The following COX6B1 variants were observed in gnomAD, a reference collection of about 807,000 sequenced individuals.
COX6B1 encodes COX VIb-1.
In COX6B1, 2 loss-of-function variants were observed where a neutral mutation model predicts 14.0. The ratio of observed to expected loss-of-function variants is 0.14; its 90% CI spans 0.06 to 0.45. The LOEUF (loss-of-function observed/expected upper bound fraction) is 0.45. COX6B1 is among the 20% of genes least tolerant of loss of function. The pLI is 0.98. For synonymous variants in COX6B1, 30 were observed against 39.7 expected (o/e 0.76, Z 0.92); for missense variants, 81 against 114.2 (o/e 0.71, Z 1.33).
At position 35,654,797 on chromosome 19, in the gene COX6B1, A is replaced by G. The variant is rs1046916617; in HGVS notation, c.207+126A>G. 4 of 770,592 alleles carry G rather than the reference A, an allele frequency of 5.2e-6. No homozygotes were observed. In the African/African-American group the frequency reaches 7.0e-5, roughly 13 times the overall value. 47.7% of individuals were successfully genotyped at this position (770,592 alleles called of 1,614,324 possible). On this transcript the variant is annotated intron_variant, in intron 3 of 3. Coordinates refer to ENST00000649813, the MANE Select transcript of COX6B1 (RefSeq NM_001863.5). ...GGACAGGGCACCACACTGTCCCAGG[A>G]CTCAGTGCCTTTCCTCCCGCCTAGA...
At position 35,654,578 on chromosome 19, in the gene COX6B1, C is replaced by T. The variant is rs770296829; in HGVS notation, c.114C>T (p.His38=). 3 of 1,614,062 alleles carry T rather than the reference C, an allele frequency of 1.9e-6. No homozygotes were observed. Among genetic ancestry groups the T allele is most frequent in the Non-Finnish European group, 2.5e-6 (3 of 1,179,942 alleles). ...RNCWQNYLDF[H]RCQKAMTAKG... The stretch of plus-strand genomic sequence containing the variant: ...GAACCCCTTTCTTCACAGACTTCCA[C>T]CGCTGTCAGAAGGCAATGACCGCTA... The change falls in exon 3 of 4, where the codon CAC becomes CAT. Residue 38 remains histidine, a synonymous_variant. Transcript: ENST00000649813.
At chr19:35,651,529 A>G (rs1250464854) in intron 2 of COX6B1, among the ~76,000 whole-genome samples, 180 bp downstream of exon 2, 1 of 151,940 alleles carries the variant, frequency 6.6e-6, no homozygotes, top group African/African-American at 2.4e-5. Context: ...AGTTCCTGCA[A>G]TGATTTTTTT....
chr19:35,648,886 G>C (rs1967790528), intron 1 of COX6B1: 1 of 533,336 alleles, frequency 1.9e-6, no homozygotes, highest in Non-Finnish European at 3.8e-6. Context: ...CTCATCCTCA[G>C]ATACCGGGTA....
rs1451939305 is a variant in COX6B1, at chr19:35,654,619, C to T, written c.155C>T (p.Ser52Phe). The T allele has an allele frequency of 6.2e-6, 10 of 1,614,070 alleles. No homozygotes were observed. Among genetic ancestry groups the T allele is most frequent in the African/African-American group, 1.3e-5 (1 of 74,934 alleles). ...KAMTAKGGDI[S>F]VCEWYQRVYQ... ...ATGACCGCTAAAGGAGGCGATATCT[C>T]TGTGTGCGAATGGTACCAGCGTGTG... The change falls in exon 3 of 4, where the codon TCT (serine) becomes TTT (phenylalanine). Residue 52 changes from serine (S) to phenylalanine (F), a missense_variant. By Grantham distance (155) the Ser-to-Phe change is radical. Transcript: ENST00000649813.
At chr19:35,651,907 TAACATGTACAGAAAGCACATAACA>T (rs1161175680) in intron 2 of COX6B1, among the ~76,000 whole-genome samples, 2 of 152,038 alleles carry the variant, frequency 1.3e-5, no homozygotes. Context: ...GTGCGTACTG[TAACATGTACAGAAAGCACATAACA>T]AACATGTACA....
chr19:35,652,086 A>G (rs1375648198), intron 2 of COX6B1, among the ~76,000 whole-genome samples: 3 of 150,672 alleles, frequency 2.0e-5, no homozygotes, highest in Non-Finnish European at 4.4e-5. Context: ...CTGGAGTGCA[A>G]TGGTGCAATC....
At chr19:35,651,891 A>G (rs1474637377) in intron 2 of COX6B1, among the ~76,000 whole-genome samples, 1 of 151,334 alleles carries the variant, frequency 6.6e-6, no homozygotes, top group Non-Finnish European at 1.5e-5. Context: ...TTTAAGCTGT[A>G]TGTGTGTGCG....
intron 2 of COX6B1, among the ~76,000 whole-genome samples, chr19:35,654,047 T>A (rs947742684): frequency 6.6e-6 from 1 of 152,240 alleles, no homozygotes; most frequent in Admixed American, 6.5e-5. Flanking sequence ...TTATACATAC[T>A]GTGTGTATTC....
chr19:35,651,901 G>C (rs4805135), intron 2 of COX6B1, among the ~76,000 whole-genome samples: 2 of 151,498 alleles, frequency 1.3e-5, no homozygotes, highest in Non-Finnish European at 2.9e-5. Flanking sequence ...ATGTGTGTGC[G>C]TACTGTAACA....
At chr19:35,654,752 A>T in intron 3 of COX6B1, 81 bp downstream of exon 3, 1 of 1,252,148 alleles carries the variant, frequency 8.0e-7, no homozygotes, top group Non-Finnish European at 1.2e-6. Context: ...GTGGGAGCTC[A>T]TCTGTGAGGG....
chr19:35,651,439 T>C (rs1299702587), intron 2 of COX6B1, 90 bp downstream of exon 2: 1 of 936,984 alleles, frequency 1.1e-6, no homozygotes, highest in Non-Finnish European at 1.7e-6. Context: ...CTCCTCCCTT[T>C]TATTCTGAAC....
At chr19:35,654,862 G>A (rs1967869888) in intron 3 of COX6B1, among the ~76,000 whole-genome samples, 191 bp downstream of exon 3, 1 of 152,118 alleles carries the variant, frequency 6.6e-6, no homozygotes, top group African/African-American at 2.4e-5. Context: ...CTCTCAACCA[G>A]TCAGGGCTCT....
intron 2 of COX6B1, among the ~76,000 whole-genome samples, chr19:35,652,965 A>ATTTTT (rs1330598420): frequency 1.7e-4 from 21 of 121,736 alleles, no homozygotes; most frequent in East Asian, 4.9e-4. Flanking sequence ...CACCCAGCTA[A>ATTTTT]TTTTTTTTTT....
chr19:35,654,131 C>G (rs1319784639), intron 2 of COX6B1, among the ~76,000 whole-genome samples: 1 of 152,240 alleles, frequency 6.6e-6, no homozygotes, highest in African/African-American at 2.4e-5. Context: ...TGCTCATTTT[C>G]ATTGCTGTCC....
chr19:35,658,597 A>G lies in COX6B1; in HGVS notation c.211A>G (p.Thr71Ala). The change falls in exon 4 of 4, where the codon ACA becomes GCA. Residue 71 changes from threonine (T) to alanine (A), a missense_variant. Transcript: ENST00000649813. ...GAATAACACTGTCTTTCCACAGGTC[A>G]CAGACTGGGATGAGCAACGGGCTGA... ...YQSLCPTSWV[T>A]DWDEQRAEGT... 5.0e-6 allele frequency: 8 copies of G among 1,614,002 alleles called. No individual in the cohort carries two copies. The highest frequency in any genetic ancestry group is 5.9e-6 in the Non-Finnish European group (7 of 1,179,878).
chr19:35,651,410 G>A, intron 2 of COX6B1, 61 bp downstream of exon 2: 1 of 1,310,770 alleles, frequency 7.6e-7, no homozygotes. Context: ...CTCTTCCTAG[G>A]GGACCCATCC....
At chr19:35,655,442 G>A (rs570455289) in intron 3 of COX6B1, among the ~76,000 whole-genome samples, 1 of 151,904 alleles carries the variant, frequency 6.6e-6, no homozygotes, top group Non-Finnish European at 1.5e-5. Flanking sequence ...ACCCCTTTTC[G>A]TTTTCTTCTT....
chr19:35,653,349 T>C (rs1162696769), intron 2 of COX6B1, among the ~76,000 whole-genome samples: 2 of 151,154 alleles, frequency 1.3e-5, no homozygotes, highest in African/African-American at 4.9e-5. Flanking sequence ...CTTGGCTCAC[T>C]GCAACCTCCG....
chr19:35,654,726 G>T (rs911668200), intron 3 of COX6B1, 55 bp downstream of exon 3: 33 of 1,506,364 alleles, frequency 2.2e-5, no homozygotes, highest in Non-Finnish European at 3.0e-5. Flanking sequence ...TTAGCAGAGG[G>T]GAGTGTGGTG....
Sources: allele counts gnomAD v4.1 joint callset (sites outside exome capture counted in the v4.1 genomes callset), GRCh38; gene constraint gnomAD v4.1.1; transcripts MANE v1.5; gene names NCBI Gene and HGNC (gene_info 2026-07-23, HGNC 2026-07-21).